The following ZNRF1 variants were observed in gnomAD, a reference collection of about 807,000 sequenced individuals.
ZNRF1 encodes the protein zinc and ring finger 1.
A neutral mutation model predicts 18.4 loss-of-function variants in ZNRF1; 3 were observed. That is an observed-to-expected ratio of 0.16 (90% CI 0.07 to 0.42). ZNRF1 has a LOEUF of 0.42. Among genes scored for constraint, ZNRF1 ranks in the 10% least tolerant of loss-of-function variants. The pLI, the probability that ZNRF1 is intolerant of heterozygous loss-of-function variation, is 0.99. For synonymous variants in ZNRF1, 157 were observed against 144.2 expected, an observed-to-expected ratio of 1.09 and a Z score of -0.64; for missense variants, 310 against 329.8, an observed-to-expected ratio of 0.94 and a Z score of 0.47.
chr16:75,081,368 CACTT>C (rs1477002577), intron 1 of ZNRF1, among the ~76,000 whole-genome samples: 1 of 152,350 alleles, frequency 6.6e-6, no homozygotes, highest in East Asian at 1.9e-4. Flanking sequence ...GAGGAAGTGA[CACTT>C]TCTTCTGCTT....
At chr16:75,001,117 A>G (rs1193659288) in intron 1 of ZNRF1, among the ~76,000 whole-genome samples, 1 of 152,204 alleles carries the variant, frequency 6.6e-6, no homozygotes, top group Non-Finnish European at 1.5e-5. Flanking sequence ...TGAGTGATGA[A>G]GTTACATCTT....
At position 75,108,840 on chromosome 16, in the gene ZNRF1, A is replaced by G. The variant is rs2036347132; in HGVS notation, c.*1140A>G. 1 of 325,248 alleles carries G rather than the reference A, an allele frequency of 3.1e-6. No homozygotes were observed. Among genetic ancestry groups the G allele is most frequent in the Non-Finnish European group, 5.5e-6 (1 of 182,260 alleles). 20.1% of individuals were successfully genotyped at this position (325,248 alleles called of 1,614,324 possible). A position where few individuals can be genotyped will look rare whatever the true frequency, so the allele number is the denominator to read the frequency against. On this transcript the variant is annotated 3_prime_UTR_variant, in exon 5 of 5. Coordinates refer to ENST00000335325, the MANE Select transcript of ZNRF1 (RefSeq NM_032268.5). ...GCTACTCGGGGCTCCAGGTGTGTGA[A>G]TTGGTCCTCAGATAGTCAGGCCTGG... is the stretch of plus-strand genomic sequence containing the variant.
chr16:75,038,090 AT>A (rs1299232844), intron 1 of ZNRF1, among the ~76,000 whole-genome samples: 9 of 152,168 alleles, frequency 5.9e-5, no homozygotes, highest in African/African-American at 2.2e-4. Flanking sequence ...CTTGAAGCCT[AT>A]TTTTGTTGTC....
chr16:75,020,409 T>C (rs1257821724), intron 1 of ZNRF1, among the ~76,000 whole-genome samples: 1 of 152,196 alleles, frequency 6.6e-6, no homozygotes, highest in African/African-American at 2.4e-5. Context: ...CAATTGTGTA[T>C]TATCTTAATA....
intron 1 of ZNRF1, among the ~76,000 whole-genome samples, chr16:75,063,095 G>A (rs1189318257): frequency 1.3e-5 from 2 of 152,326 alleles, no homozygotes; most frequent in African/African-American, 2.4e-5. Flanking sequence ...CTCACTTTAC[G>A]AGTGAAAAAC....
At chr16:75,027,114 G>A (rs1338295924) in intron 1 of ZNRF1, among the ~76,000 whole-genome samples, 1 of 151,750 alleles carries the variant, frequency 6.6e-6, no homozygotes, top group Admixed American at 6.6e-5. Flanking sequence ...CTAGAAAGTG[G>A]TGTGGCTCTA....
At chr16:75,012,838 G>A (rs949826597) in intron 1 of ZNRF1, among the ~76,000 whole-genome samples, 1 of 152,118 alleles carries the variant, frequency 6.6e-6, no homozygotes, top group African/African-American at 2.4e-5. Flanking sequence ...GAGAGTCATG[G>A]CCTGTCTTCT....
intron 1 of ZNRF1, among the ~76,000 whole-genome samples, chr16:75,015,614 C>T (rs2035055443): frequency 6.6e-6 from 1 of 152,166 alleles, no homozygotes; most frequent in South Asian, 2.1e-4. Context: ...GACAGGATCT[C>T]ACTCTGTTGC....
At chr16:75,048,589 C>G (rs1388546425) in intron 1 of ZNRF1, among the ~76,000 whole-genome samples, 2 of 152,212 alleles carry the variant, frequency 1.3e-5, no homozygotes, top group Non-Finnish European at 2.9e-5. Flanking sequence ...ATACCTTTCA[C>G]TGAGTTGAAG....
At chr16:75,094,178 T>G (rs1301429590) in intron 2 of ZNRF1, among the ~76,000 whole-genome samples, 1 of 151,998 alleles carries the variant, frequency 6.6e-6, no homozygotes, top group Non-Finnish European at 1.5e-5. Context: ...GTCCTATGAG[T>G]CCACACCAGA....
intron 1 of ZNRF1, among the ~76,000 whole-genome samples, chr16:75,074,635 G>A (rs1300452766): frequency 6.6e-6 from 1 of 152,168 alleles, no homozygotes; most frequent in African/African-American, 2.4e-5. Flanking sequence ...TGGGGTTGTT[G>A]CAGCAAACCA....
intron 1 of ZNRF1, among the ~76,000 whole-genome samples, chr16:75,087,687 T>C (rs143718500): frequency 6.6e-6 from 1 of 152,292 alleles, no homozygotes; most frequent in Admixed American, 6.5e-5. Flanking sequence ...TCCTTCCTCA[T>C]CTGAACATAC....
At chr16:75,080,416 C>T (rs560973776) in intron 1 of ZNRF1, among the ~76,000 whole-genome samples, 41 of 152,262 alleles carry the variant, frequency 2.7e-4, no homozygotes, top group African/African-American at 7.7e-4. Flanking sequence ...AGTGTCTGTT[C>T]GCTGGTGAGT....
chr16:75,001,879 AT>A (rs915643691), intron 1 of ZNRF1, among the ~76,000 whole-genome samples: 5 of 151,956 alleles, frequency 3.3e-5, no homozygotes, highest in Non-Finnish European at 5.9e-5. Context: ...GTGAAACCTT[AT>A]TTTTTTTCAT....
chr16:75,066,850 G>A (rs1397407198), intron 1 of ZNRF1, among the ~76,000 whole-genome samples: 2 of 152,078 alleles, frequency 1.3e-5, no homozygotes, highest in Non-Finnish European at 2.9e-5. Flanking sequence ...CGTTGACTTA[G>A]AAATTCAGGG....
At chr16:75,057,713 G>A (rs2035685566) in intron 1 of ZNRF1, among the ~76,000 whole-genome samples, 1 of 152,176 alleles carries the variant, frequency 6.6e-6, no homozygotes, top group African/African-American at 2.4e-5. Flanking sequence ...TCAGCTTACT[G>A]CAACTTCCGT....
intron 1 of ZNRF1, among the ~76,000 whole-genome samples, chr16:75,021,382 AT>A (rs2035145744): frequency 6.6e-6 from 1 of 152,122 alleles, no homozygotes; most frequent in Non-Finnish European, 1.5e-5. Context: ...TGCTATTCTT[AT>A]TTGATGAAGT....
intron 1 of ZNRF1, among the ~76,000 whole-genome samples, chr16:75,084,272 T>C (rs901510486): frequency 3.3e-5 from 5 of 152,198 alleles, no homozygotes; most frequent in Admixed American, 6.5e-5. Flanking sequence ...GCTAGAAATA[T>C]TTGGTGAACA....
intron 1 of ZNRF1, among the ~76,000 whole-genome samples, chr16:75,008,833 A>G (rs1346074603): frequency 6.6e-6 from 1 of 152,162 alleles, no homozygotes; most frequent in Non-Finnish European, 1.5e-5. Flanking sequence ...GTGTTTGTCC[A>G]TAAGGCTGCT....
Sources: allele counts gnomAD v4.1 joint callset (sites outside exome capture counted in the v4.1 genomes callset), GRCh38; gene constraint gnomAD v4.1.1; transcripts MANE v1.5; gene names NCBI Gene and HGNC (gene_info 2026-07-23, HGNC 2026-07-21).